The following DERL2 variants were observed in gnomAD, a reference collection of about 807,000 sequenced individuals.
DERL2 encodes the protein derlin 2.
DERL2 carries 13 observed loss-of-function variants against 32.0 expected under a neutral mutation model. The observed-to-expected ratio is 0.41, with a 90% CI of 0.26 to 0.65. The LOEUF (loss-of-function observed/expected upper bound fraction) is 0.65, where lower values mean the gene tolerates loss of function less well. Among genes scored for constraint, DERL2 ranks in the 30% least tolerant of loss-of-function variants. The pLI is 0.35. For synonymous variants in DERL2, 111 were observed against 104.7 expected, an observed-to-expected ratio of 1.06 and a Z score of -0.37; for missense variants, 208 against 296.3, an observed-to-expected ratio of 0.70 and a Z score of 2.19.
At chr17:5,485,737 C>T (rs747039108) in intron 1 of DERL2, 29 of 290,506 alleles carry the variant, frequency 1.0e-4, no homozygotes, top group Admixed American at 2.6e-4. Context: ...CTAAACGGAC[C>T]TTCCTCTCAC....
In DERL2 at chr17:5,474,515, T is replaced by C. The variant is rs749701499; in HGVS notation, c.*169A>G. On this transcript the variant is annotated 3_prime_UTR_variant, in exon 7 of 7. Transcript: ENST00000158771. The surrounding 1 kb of genome is among the most constrained non-coding windows in gnomAD (Gnocchi z 4.3). ...GTGTAGTGAGGAACCACTGGCAAAC[T>C]GTTGGAAATGTCTTCTGGATTAGTC... 4 of 536,710 alleles carry C rather than the reference T, an allele frequency of 7.5e-6. No homozygotes were observed. The highest frequency in any genetic ancestry group is 2.0e-5 in the African/African-American group (1 of 50,734). The allele number at this position is 536,710 out of a possible 1,614,324, so 33.2% of individuals were successfully genotyped here. A position where few individuals can be genotyped will look rare whatever the true frequency, so the allele number is the denominator to read the frequency against.
chr17:5,485,878 G>A, intron 1 of DERL2, 191 bp downstream of exon 1: 1 of 465,686 alleles, frequency 2.1e-6, no homozygotes, highest in South Asian at 4.2e-5. Flanking sequence ...CCCCCATGAA[G>A]CAGCACTCCC....
rs977544814 is a variant in DERL2, at chr17:5,471,924, G to C, written c.*2760C>G. The C allele has an allele frequency of 1.4e-4, 22 of 152,318 alleles. No individual in the cohort carries two copies. The highest frequency in any genetic ancestry group is 5.3e-4 in the African/African-American group (22 of 41,554). 9.4% of individuals were successfully genotyped at this position (152,318 alleles called of 1,614,324 possible). On this transcript the variant is annotated 3_prime_UTR_variant, in exon 7 of 7. Coordinates refer to ENST00000158771, the MANE Select transcript of DERL2 (RefSeq NM_016041.5). ...CTTCCTTATTTTCAGAGGCCCCAGA[G>C]ACTGAGGGTTTCATTATCCAGACCC... is the stretch of plus-strand genomic sequence containing the variant.
chr17:5,479,587 T>TCTA (rs1169318186), intron 6 of DERL2, among the ~76,000 whole-genome samples: 1 of 149,510 alleles, frequency 6.7e-6, no homozygotes, highest in African/African-American at 2.4e-5. Flanking sequence ...AAGGACTTGC[T>TCTA]CTATGGCTGG....
chr17:5,481,309 C>A lies in DERL2; in HGVS notation c.314G>T (p.Gly105Val). 6.2e-7 allele frequency: 1 copy of A among 1,613,366 alleles called. No homozygotes were observed. The change falls in exon 4 of 7, where the codon GGA becomes GTA. Residue 105 changes from glycine (G) to valine (V), a missense_variant. Physicochemically the swap from Gly to Val is moderately radical, Grantham distance 109. Transcript: ENST00000158771. The surrounding 1 kb of genome is among the most constrained non-coding windows in gnomAD (Gnocchi z 4.4). ...GTTGAAGGATACGGTCATTAAGAAT[C>A]CACCAAAAAGGAACATAAATACAAA... ...ADFVFMFLFGGFLMTLFGLFV... is the reference protein window; with the variant it reads ...ADFVFMFLFGVFLMTLFGLFV...
intron 1 of DERL2, 76 bp downstream of exon 1, chr17:5,485,993 G>T (rs1209698225): frequency 1.4e-6 from 2 of 1,405,840 alleles, no homozygotes; most frequent in African/African-American, 1.4e-5. Context: ...GCCTCCCCGA[G>T]GCCCAAACCC....
chr17:5,482,887 T>TAA lies in DERL2; in HGVS notation c.160-7_160-6dup. The TAA allele has an allele frequency of 1.4e-6, 2 of 1,417,664 alleles. No individual in the cohort carries two copies. The highest frequency in any genetic ancestry group is 1.9e-6 in the Non-Finnish European group (2 of 1,031,324). The allele number at this position is 1,417,664 out of a possible 1,614,324, so 87.8% of individuals were successfully genotyped here. A position where few individuals can be genotyped will look rare whatever the true frequency, so the allele number is the denominator to read the frequency against. Reference sequence around the variant, plus strand: ...GTTGGTGATTAATCTCCATATCTGTTAAAAAAAAATCAAGAGAAAGATGTA... The same window carrying TAA: ...GTTGGTGATTAATCTCCATATCTGTTAAAAAAAAAAATCAAGAGAAAGATGTA... On this transcript the variant is annotated splice_region_variant and splice_polypyrimidine_tract_variant and intron_variant, in intron 2 of 6. Transcript: ENST00000158771.
chr17:5,478,740 A>G (rs1392115657), intron 6 of DERL2, among the ~76,000 whole-genome samples: 1 of 152,262 alleles, frequency 6.6e-6, no homozygotes, highest in East Asian at 1.9e-4. Context: ...CACCATATCC[A>G]TACCATGGAA....
chr17:5,477,597 G>A (rs1905477089), intron 6 of DERL2, among the ~76,000 whole-genome samples: 1 of 152,154 alleles, frequency 6.6e-6, no homozygotes, highest in Non-Finnish European at 1.5e-5. Flanking sequence ...GTAGGGATAG[G>A]TGTGCAATAA....
rs369000282 is a variant in DERL2 at position 5,481,384 on chromosome 17, C to T, written c.239G>A (p.Arg80His). ...GCCTTCTTCTAGCATTCGACAGTAA[C>T]GATATCTTAAGTTCCAAGTTAAGAA... The part of the protein sequence containing the change: ...NFLFNMIFLY[R>H]YCRMLEEGSF... Residue 80 changes from arginine to histidine, a missense_variant, in exon 4 of 7, where the codon CGT becomes CAT. Transcript: ENST00000158771. This position sits in a 1 kb window ranked among gnomAD's most constrained non-coding sequence, Gnocchi z 4.4. The T allele has an allele frequency of 2.5e-6, 4 of 1,612,354 alleles. No individual in the cohort carries two copies. The highest frequency in any genetic ancestry group is 1.1e-5 in the South Asian group (1 of 91,014).
intron 6 of DERL2, among the ~76,000 whole-genome samples, chr17:5,478,598 T>C (rs1235595914): frequency 6.6e-6 from 1 of 152,248 alleles, no homozygotes; most frequent in Non-Finnish European, 1.5e-5. Flanking sequence ...ATTCTACTTC[T>C]AGGAATTATC....
At chr17:5,485,963 C>G in intron 1 of DERL2, 106 bp downstream of exon 1, 1 of 1,028,296 alleles carries the variant, frequency 9.7e-7, no homozygotes. Context: ...TCCACCCATC[C>G]CCGGGACCAG....
chr17:5,483,120 A>C (rs2151707968), intron 2 of DERL2, among the ~76,000 whole-genome samples: 1 of 152,114 alleles, frequency 6.6e-6, no homozygotes. Context: ...AATAATAGGA[A>C]AGAAAATTTT....
In DERL2 at chr17:5,473,469, G is replaced by A. The variant is rs1452295589; in HGVS notation, c.*1215C>T. ...GAAAAGGTTCTTGAATTTTCACGAA[G>A]CAAATGACTAATGTTAACTAGCCAA... On this transcript the variant is annotated 3_prime_UTR_variant, in exon 7 of 7. Transcript: ENST00000158771. 1 of 152,098 alleles carries A rather than the reference G, an allele frequency of 6.6e-6. No homozygotes were observed. Among genetic ancestry groups the A allele is most frequent in the African/African-American group, 2.4e-5 (1 of 41,410 alleles). 9.4% of individuals were successfully genotyped at this position (152,098 alleles called of 1,614,324 possible).
chr17:5,482,601 C>A (rs941355916), intron 3 of DERL2: 1 of 433,434 alleles, frequency 2.3e-6, no homozygotes, highest in Non-Finnish European at 4.2e-6. Flanking sequence ...GAAGTGCTAT[C>A]TTTTTATGGT....
intron 2 of DERL2, among the ~76,000 whole-genome samples, chr17:5,483,444 G>A (rs563936060): frequency 1.3e-5 from 2 of 151,340 alleles, no homozygotes; most frequent in South Asian, 4.2e-4. Flanking sequence ...CTCCCAAAGT[G>A]CTGGGATTAC....
At chr17:5,485,862 C>T (rs1250670243) in intron 1 of DERL2, 1 of 448,906 alleles carries the variant, frequency 2.2e-6, no homozygotes, top group East Asian at 3.4e-5. Context: ...TAGAAACTGA[C>T]CTGACCCCCC....
intron 6 of DERL2, 59 bp downstream of exon 6, chr17:5,479,995 G>C (rs1335208747): frequency 9.2e-7 from 1 of 1,090,780 alleles, no homozygotes; most frequent in Non-Finnish European, 1.4e-6. Flanking sequence ...AGAAAACACA[G>C]ATCATGCCCC....
chr17:5,475,180 G>T (rs1462577818), intron 6 of DERL2, among the ~76,000 whole-genome samples: 1 of 151,836 alleles, frequency 6.6e-6, no homozygotes. Flanking sequence ...TATCATTAAT[G>T]TTTCCCCATA....
Sources: allele counts gnomAD v4.1 joint callset (sites outside exome capture counted in the v4.1 genomes callset), GRCh38; gene constraint gnomAD v4.1.1; non-coding constraint Gnocchi (gnomAD v3.1); transcripts MANE v1.5; gene names NCBI Gene and HGNC (gene_info 2026-07-23, HGNC 2026-07-21).